The following RPS5 variants were observed in gnomAD, a reference collection of about 807,000 sequenced individuals.
The protein encoded by RPS5 is ribosomal protein S5, also known as small ribosomal subunit protein uS7.
A neutral mutation model predicts 20.9 loss-of-function variants in RPS5; 2 were observed. The ratio of observed to expected loss-of-function variants is 0.10; its 90% CI spans 0.04 to 0.30. The LOEUF (loss-of-function observed/expected upper bound fraction) is 0.30, where lower values mean the gene tolerates loss of function less well. Ranked by LOEUF, RPS5 falls within the 10% of genes least tolerant of loss-of-function variation. RPS5 has a pLI of 1.00. For synonymous variants in RPS5, 112 were observed against 105.8 expected, an observed-to-expected ratio of 1.06 and a Z score of -0.36; for missense variants, 122 against 287.2, an observed-to-expected ratio of 0.42 and a Z score of 4.16.
intron 2 of RPS5, among the ~76,000 whole-genome samples, chr19:58,391,597 C>T (rs1235290822): frequency 1.3e-5 from 2 of 150,738 alleles, no homozygotes; most frequent in African/African-American, 4.9e-5. Flanking sequence ...AGTGAGACTC[C>T]ATCTCAAAAA....
In RPS5 at chr19:58,393,038, C is replaced by T. The variant is rs765402531; in HGVS notation, c.171C>T (p.Ala57=). ...TGCCTCACAGTGCAGGGCGGTATGC[C>T]GCCAAACGCTTCCGCAAAGCTCAGT... ...KYLPHSAGRY[A]AKRFRKAQCP... is the part of the protein sequence containing the mutation. Residue 57 remains alanine (A), a synonymous_variant, in exon 3 of 6, where the codon GCC becomes GCT. Transcript: ENST00000196551. 23 of 1,614,006 alleles carry T rather than the reference C, an allele frequency of 1.4e-5. No individual in the cohort carries two copies. Among genetic ancestry groups the T allele is most frequent in the African/African-American group, 4.0e-5 (3 of 74,928 alleles).
At chr19:58,389,143 C>T (rs1022553929) in intron 2 of RPS5, among the ~76,000 whole-genome samples, 1 of 152,104 alleles carries the variant, frequency 6.6e-6, no homozygotes, top group Non-Finnish European at 1.5e-5. Flanking sequence ...GCCTTAAGAA[C>T]TTTAGCTTTT....
chr19:58,389,482 A>T (rs1015215523), intron 2 of RPS5, among the ~76,000 whole-genome samples: 1 of 152,162 alleles, frequency 6.6e-6, no homozygotes, highest in African/African-American at 2.4e-5. Context: ...GTCTGTAAAG[A>T]TGTCAGGGGA....
intron 2 of RPS5, among the ~76,000 whole-genome samples, chr19:58,392,192 C>T (rs532727372): frequency 3.9e-5 from 6 of 152,092 alleles, no homozygotes; most frequent in South Asian, 4.2e-4. Flanking sequence ...GGCTTGGTGG[C>T]GCGTGCCTGT....
intron 3 of RPS5, 32 bp downstream of exon 3, chr19:58,393,217 G>T (rs752104136): frequency 6.2e-7 from 1 of 1,610,540 alleles, no homozygotes; most frequent in Admixed American, 1.7e-5. Flanking sequence ...AGGGCAGGCT[G>T]TGCCCTCAGT....
chr19:58,390,441 T>A (rs2052355611), intron 2 of RPS5, among the ~76,000 whole-genome samples: 1 of 129,162 alleles, frequency 7.7e-6, no homozygotes, highest in Non-Finnish European at 1.6e-5. Context: ...TTTTTTTTTT[T>A]TTTTTTTTTT....
chr19:58,394,756 C>G lies in RPS5; in HGVS notation c.*6C>G, dbSNP rs202151690. On this transcript the variant is annotated 3_prime_UTR_variant, in exon 6 of 6. Coordinates refer to ENST00000196551, the MANE Select transcript of RPS5 (RefSeq NM_001009.4). ...TGGCCAAGTCCAACCGCTGATTTTCCCAGCTGCTGCCCAATAAACCTGTCT... is the reference window on the plus strand; with the variant it reads ...TGGCCAAGTCCAACCGCTGATTTTCGCAGCTGCTGCCCAATAAACCTGTCT... 1.1e-5 allele frequency: 17 copies of G among 1,613,804 alleles called. 1 individual carries two copies. The highest frequency in any genetic ancestry group is 1.4e-5 in the Non-Finnish European group (16 of 1,179,964).
At chr19:58,394,153 G>A (rs2052381725) in intron 4 of RPS5, 1 of 248,610 alleles carries the variant, frequency 4.0e-6, no homozygotes, top group Non-Finnish European at 8.0e-6. Flanking sequence ...GTTTCACCAA[G>A]TTGCTCAGGC....
At chr19:58,388,315 C>A (rs1203986621) in intron 2 of RPS5, 70 bp downstream of exon 2, 3 of 1,085,594 alleles carry the variant, frequency 2.8e-6, no homozygotes, top group Non-Finnish European at 4.2e-6. Flanking sequence ...ACACATCAAA[C>A]TTGTTGCTGT....
rs532016982 is a variant in RPS5 at position 58,389,862 on chromosome 19, C to T, written c.108+1617C>T. 2.7e-4 allele frequency among the ~76,000 whole-genome samples: 40 copies of T among 150,906 alleles called. No homozygotes were observed. The South Asian group carries it at 4.0e-3, about 15-fold the overall frequency. On this transcript the variant is annotated intron_variant, in intron 2 of 5. Coordinates refer to ENST00000196551, the MANE Select transcript of RPS5 (RefSeq NM_001009.4). ...ATGTTGGTTAGGCTGGTCTCGAACTCCTGACCTCATGATCTGCCCGGCCAC... is the reference window on the plus strand; with the variant it reads ...ATGTTGGTTAGGCTGGTCTCGAACTTCTGACCTCATGATCTGCCCGGCCAC...
chr19:58,392,551 G>A (rs974309687), intron 2 of RPS5, among the ~76,000 whole-genome samples: 54 of 151,708 alleles, frequency 3.6e-4, no homozygotes, highest in Admixed American at 3.0e-3. Flanking sequence ...TTTGAACCTC[G>A]GAGTCGTAGG....
In RPS5 at chr19:58,394,289, G is replaced by C. The variant is rs774871420; in HGVS notation, c.448-208G>C. The C allele has an allele frequency of 1.2e-5, 7 of 569,142 alleles. No homozygotes were observed. In the African/African-American group the frequency reaches 1.3e-4, roughly 11 times the overall value. The allele number at this position is 569,142 out of a possible 1,614,324, so 35.3% of individuals were successfully genotyped here. A position where few individuals can be genotyped will look rare whatever the true frequency, so the allele number is the denominator to read the frequency against. On this transcript the variant is annotated intron_variant, in intron 4 of 5. Coordinates refer to ENST00000196551, the MANE Select transcript of RPS5 (RefSeq NM_001009.4). ...GGCAGGTCTCAATCTCCTGTCACTG[G>C]GGACGCAACTTCAGCCTGTGTGTGT...
At chr19:58,393,662 C>T (rs1240076615) in intron 4 of RPS5, 175 bp downstream of exon 4, 1 of 737,038 alleles carries the variant, frequency 1.4e-6, no homozygotes, top group South Asian at 2.0e-5. Context: ...GCTCTGGGTC[C>T]TCTTCGGGAA....
intron 2 of RPS5, among the ~76,000 whole-genome samples, chr19:58,391,776 A>C (rs1463727293): frequency 6.7e-6 from 1 of 150,334 alleles, no homozygotes; most frequent in Non-Finnish European, 1.5e-5. Flanking sequence ...AAATACAAAA[A>C]TTAGCCTGGC....
In RPS5 at chr19:58,387,293, C is replaced by T. The variant is rs577961101; in HGVS notation, c.-48C>T. 1.3e-5 allele frequency: 2 copies of T among 152,398 alleles called. No individual in the cohort carries two copies. Among genetic ancestry groups the T allele is most frequent in the East Asian group, 3.9e-4 (2 of 5,178 alleles). The allele number at this position is 152,398 out of a possible 1,614,324, so 9.4% of individuals were successfully genotyped here. A position where few individuals can be genotyped will look rare whatever the true frequency, so the allele number is the denominator to read the frequency against. On this transcript the variant is annotated 5_prime_UTR_variant, in exon 1 of 6. Coordinates refer to ENST00000196551, the MANE Select transcript of RPS5 (RefSeq NM_001009.4). ...CCTCTTCCTGTCTGTACCAGGGCGG[C>T]GCGTGGTCTACGCCGAGTGACAGAG...
chr19:58,391,486 C>T (rs1210222563), intron 2 of RPS5, among the ~76,000 whole-genome samples: 1 of 150,478 alleles, frequency 6.6e-6, no homozygotes, highest in Non-Finnish European at 1.5e-5. Flanking sequence ...GTCTGTAATC[C>T]CAGCAACTTG....
intron 2 of RPS5, among the ~76,000 whole-genome samples, chr19:58,389,164 C>A (rs756832330): frequency 3.9e-5 from 6 of 152,156 alleles, no homozygotes; most frequent in African/African-American, 1.4e-4. Context: ...GTGAGCCCTT[C>A]CTCCATTAAA....
chr19:58,390,351 C>T (rs1213930905), intron 2 of RPS5, among the ~76,000 whole-genome samples: 1 of 151,130 alleles, frequency 6.6e-6, no homozygotes, highest in Non-Finnish European at 1.5e-5. Context: ...TGAGCCACTG[C>T]GCCCAGCCCA....
chr19:58,394,212 AGTGTTACAGGCGCAAGCCACC>A, intron 4 of RPS5: 1 of 391,944 alleles, frequency 2.6e-6, no homozygotes, highest in East Asian at 4.8e-5. Flanking sequence ...AGCATCCCGA[AGTGTTACAGGCGCAAGCCACC>A]GTGCCCGGCC....
Sources: gnomAD v4.1 joint callset for allele counts (sites outside exome capture counted in the v4.1 genomes callset) on GRCh38, gnomAD v4.1.1 for gene constraint, MANE v1.5 for transcripts, NCBI Gene and HGNC (gene_info 2026-07-23, HGNC 2026-07-21) for gene names.